RSPH9: variants seen among roughly 807,000 people sequenced by gnomAD.
RSPH9 encodes the protein radial spoke head component 9.
In RSPH9, 27 loss-of-function variants were observed where a neutral mutation model predicts 27.0. The ratio of observed to expected loss-of-function variants is 1.00; its 90% confidence interval spans 0.74 to 1.38. The LOEUF is 1.38. Among genes scored for constraint, RSPH9 ranks in the 40% most tolerant of loss-of-function variants. RSPH9 has a pLI of 0.00. For missense variants in RSPH9, 347 were observed against 357.4 expected, an observed-to-expected ratio of 0.97 and a Z score of 0.24; for synonymous variants, 145 against 147.7, an observed-to-expected ratio of 0.98 and a Z score of 0.13.
intron 4 of RSPH9, among the ~76,000 whole-genome samples, chr6:43,660,391 A>T (rs911466417): frequency 6.6e-6 from 1 of 152,008 alleles, no homozygotes; most frequent in Non-Finnish European, 1.5e-5. Flanking sequence ...GTTGGAATCA[A>T]CTTCTCCCAA....
At chr6:43,654,298 A>G (rs1421884414) in intron 2 of RSPH9, among the ~76,000 whole-genome samples, 4 of 152,208 alleles carry the variant, frequency 2.6e-5, no homozygotes, top group African/African-American at 9.6e-5. Flanking sequence ...TCATCTGTGT[A>G]AAAAGGGTAT....
intron 3 of RSPH9, among the ~76,000 whole-genome samples, chr6:43,656,034 T>A (rs532640201): frequency 1.0e-5 from 1 of 96,362 alleles, no homozygotes; most frequent in East Asian, 2.6e-4. Flanking sequence ...CCTTCCTTCC[T>A]TCCCCTTCTT....
At chr6:43,668,297 T>G (rs1363451445) in intron 4 of RSPH9, among the ~76,000 whole-genome samples, 1 of 152,024 alleles carries the variant, frequency 6.6e-6, no homozygotes, top group African/African-American at 2.4e-5. Context: ...CCTGGCACGT[T>G]GAGTCTGTGT....
chr6:43,662,467 C>T (rs902929180), intron 4 of RSPH9, among the ~76,000 whole-genome samples: 3 of 151,598 alleles, frequency 2.0e-5, no homozygotes, highest in Admixed American at 6.6e-5. Flanking sequence ...CCCAGGTTCA[C>T]GCCATTCTCC....
At chr6:43,658,690 C>T (rs1415327085) in intron 4 of RSPH9, among the ~76,000 whole-genome samples, 9 of 151,902 alleles carry the variant, frequency 5.9e-5, no homozygotes, top group Non-Finnish European at 1.0e-4. Flanking sequence ...TACAGGCGCC[C>T]GCCACCATGC....
chr6:43,658,793 C>T (rs1772303904), intron 4 of RSPH9, among the ~76,000 whole-genome samples: 1 of 152,148 alleles, frequency 6.6e-6, no homozygotes, highest in Non-Finnish European at 1.5e-5. Context: ...ATCCGCCTAC[C>T]TCGACCTTCC....
At chr6:43,646,024 G>T (rs893760268) in intron 1 of RSPH9, among the ~76,000 whole-genome samples, 1 of 152,098 alleles carries the variant, frequency 6.6e-6, no homozygotes, top group African/African-American at 2.4e-5. Context: ...TCGCTATCTT[G>T]GTTCACTGCA....
At chr6:43,648,548 C>A (rs542420990) in intron 1 of RSPH9, among the ~76,000 whole-genome samples, 37 of 152,118 alleles carry the variant, frequency 2.4e-4, no homozygotes, top group Non-Finnish European at 4.9e-4. Flanking sequence ...GAGTAGGAAA[C>A]AATCATGCAG....
At chr6:43,645,859 T>C (rs1404136782) in intron 1 of RSPH9, among the ~76,000 whole-genome samples, 1 of 152,178 alleles carries the variant, frequency 6.6e-6, no homozygotes, top group African/African-American at 2.4e-5. Context: ...GCTCTGGAGC[T>C]GGAGGCGCTT....
intron 2 of RSPH9, among the ~76,000 whole-genome samples, chr6:43,654,241 A>C (rs1001101536): frequency 6.6e-6 from 1 of 152,222 alleles, no homozygotes; most frequent in Non-Finnish European, 1.5e-5. Context: ...AATCTCTATG[A>C]AATCCTTTTG....
chr6:43,661,396 C>T (rs1359995852), intron 4 of RSPH9, among the ~76,000 whole-genome samples: 1 of 152,184 alleles, frequency 6.6e-6, no homozygotes, highest in Non-Finnish European at 1.5e-5. Flanking sequence ...TGCGGTGGCT[C>T]ACGCCTGTCA....
chr6:43,671,966 G>A lies in RSPH9; in HGVS notation c.*1017G>A. The A allele has an allele frequency of 6.6e-7, 1 of 1,505,464 alleles. No homozygotes were observed. The highest frequency in any genetic ancestry group is 8.9e-7 in the Non-Finnish European group (1 of 1,124,118). The allele number at this position is 1,505,464 out of a possible 1,614,324, so 93.3% of individuals were successfully genotyped here. ...CTGGGGGCCCAAGCTGGACGTGGGAGAGTGGAGCACTACCTCCTCAGGCCA... is the reference window on the plus strand; with the variant it reads ...CTGGGGGCCCAAGCTGGACGTGGGAAAGTGGAGCACTACCTCCTCAGGCCA... On this transcript the variant is annotated 3_prime_UTR_variant, in exon 5 of 5. Transcript: ENST00000372163.
intron 4 of RSPH9, among the ~76,000 whole-genome samples, chr6:43,667,004 A>G (rs1437373881): frequency 1.3e-5 from 2 of 152,172 alleles, no homozygotes; most frequent in Non-Finnish European, 2.9e-5. Flanking sequence ...TCAGCCTCCC[A>G]AAGTGCTGGG....
At chr6:43,651,827 G>A (rs1383668253) in intron 2 of RSPH9, among the ~76,000 whole-genome samples, 7 of 152,092 alleles carry the variant, frequency 4.6e-5, no homozygotes, top group Non-Finnish European at 1.0e-4. Context: ...GGGATTACAG[G>A]CGTGAGCCAC....
At chr6:43,661,652 C>T in intron 4 of RSPH9, among the ~76,000 whole-genome samples, 1 of 102,130 alleles carries the variant, frequency 9.8e-6, no homozygotes, top group Non-Finnish European at 1.9e-5. Context: ...CAGAGCGAGA[C>T]TCTGTCTCAA....
chr6:43,670,917 GAGA>G lies in RSPH9; in HGVS notation c.804_806del (p.Lys268del), dbSNP rs397515340. 9.8e-5 allele frequency: 158 copies of G among 1,614,188 alleles called. 1 individual carries two copies. Among genetic ancestry groups the G allele is most frequent in the Middle Eastern group, 5.0e-4 (3 of 6,060 alleles). On this transcript the variant is annotated inframe_deletion, in exon 5 of 5. Transcript: ENST00000372163. The stretch of plus-strand genomic sequence containing the variant: ...TGGCTACGTCTACGTGGGCACTGGC[GAGA>G]AGAACATGGACTTGCCCTTCATGCT...
At chr6:43,648,146 G>C (rs917702389) in intron 1 of RSPH9, among the ~76,000 whole-genome samples, 1 of 152,136 alleles carries the variant, frequency 6.6e-6, no homozygotes, top group Non-Finnish European at 1.5e-5. Flanking sequence ...TTGCAAGCCT[G>C]TGATCCCAGC....
chr6:43,665,102 T>C (rs1773015588), intron 4 of RSPH9, among the ~76,000 whole-genome samples: 1 of 152,146 alleles, frequency 6.6e-6, no homozygotes, highest in African/African-American at 2.4e-5. Flanking sequence ...GCTGGTGCAG[T>C]AGTGCTGCTT....
Position 43,655,656 on chromosome 6 carries a change from C to T in RSPH9, c.488C>T (p.Pro163Leu). ...IIPRGALFKT[P>L]FGPTHVNRTF... Reference sequence around the variant, plus strand: ...CCCCGAGGCGCCCTCTTCAAGACCCCTTTTGGACCCACCCATGTCAATCGG... The same window carrying T: ...CCCCGAGGCGCCCTCTTCAAGACCCTTTTTGGACCCACCCATGTCAATCGG... Residue 163 changes from proline (P) to leucine (L), a missense_variant, in exon 3 of 5, where the codon CCT becomes CTT. Coordinates refer to ENST00000372163, the MANE Select transcript of RSPH9 (RefSeq NM_152732.5). The T allele has an allele frequency of 6.2e-7, 1 of 1,614,252 alleles. No individual in the cohort carries two copies. Among genetic ancestry groups the T allele is most frequent in the African/African-American group, 1.3e-5 (1 of 75,062 alleles).
Sources: allele counts gnomAD v4.1 joint callset (sites outside exome capture counted in the v4.1 genomes callset), GRCh38; gene constraint gnomAD v4.1.1; transcripts MANE v1.5; gene names NCBI Gene and HGNC (gene_info 2026-07-23, HGNC 2026-07-21).